The following FAM184B variants were observed in gnomAD, a reference collection of about 807,000 sequenced individuals.
FAM184B encodes the protein protein FAM184B.
A neutral mutation model predicts 135.9 loss-of-function variants in FAM184B; 111 were observed. The ratio of observed to expected loss-of-function variants is 0.82; its 90% CI spans 0.70 to 0.96. The LOEUF (loss-of-function observed/expected upper bound fraction) is 0.96, where lower values mean the gene tolerates loss of function less well. FAM184B is among the 40% of genes least tolerant of loss of function. The probability of loss-of-function intolerance (pLI) is 0.00; values close to 1 mark genes in which losing one functional copy is unlikely to be tolerated. For missense variants in FAM184B, 1,375 were observed against 1,323.9 expected, an observed-to-expected ratio of 1.04 and a Z score of -0.60; for synonymous variants, 552 against 524.8, an observed-to-expected ratio of 1.05 and a Z score of -0.71.
chr4:17,664,099 T>A (rs1284269192), intron 8 of FAM184B, among the ~76,000 whole-genome samples: 5 of 152,166 alleles, frequency 3.3e-5, no homozygotes, highest in Admixed American at 3.3e-4. Context: ...CAGAGCCTGA[T>A]AGAGCCAATC....
rs1436480313 is a variant in FAM184B, at chr4:17,709,536, T to C, written c.250A>G (p.Arg84Gly). Residue 84 changes from arginine to glycine, a missense_variant, in exon 2 of 18, where the codon AGG (arginine) becomes GGG (glycine). By Grantham distance (125) the Arg-to-Gly change is moderately radical. Coordinates refer to ENST00000265018, the MANE Select transcript of FAM184B (RefSeq NM_015688.2). ...LQNAVAETKA[R>G]LLQEQGCAEE... is the part of the protein sequence containing the mutation. ...GCGCAGCCCTGTTCCTGCAGGAGCC[T>C]GGCCTTGGTCTCTGCCACCGCATTC... is the stretch of plus-strand genomic sequence containing the variant. 23 of 1,550,896 alleles carry C rather than the reference T, an allele frequency of 1.5e-5. No individual in the cohort carries two copies. The highest frequency in any genetic ancestry group is 1.9e-5 in the Non-Finnish European group (22 of 1,146,958).
chr4:17,766,715 C>T lies in FAM184B; in HGVS notation c.141+14444G>A, dbSNP rs1156435100. On this transcript the variant is annotated intron_variant, in intron 1 of 17. Transcript: ENST00000265018. ...GCTAGACATAAAGATTCTCCAAGTCCCTACTAGACTCAGGAGCCCAGCTGG... is the reference window on the plus strand; with the variant it reads ...GCTAGACATAAAGATTCTCCAAGTCTCTACTAGACTCAGGAGCCCAGCTGG... 3.3e-5 allele frequency among the ~76,000 whole-genome samples: 5 copies of T among 152,382 alleles called. No homozygotes were observed. The East Asian group carries it at 9.6e-4, about 29-fold the overall frequency.
At chr4:17,765,610 A>C (rs917364172) in intron 1 of FAM184B, among the ~76,000 whole-genome samples, 1 of 152,166 alleles carries the variant, frequency 6.6e-6, no homozygotes, top group Admixed American at 6.5e-5. Context: ...CCTTCAACCA[A>C]CATGTGGATA....
At chr4:17,706,768 A>G (rs769683156) in intron 3 of FAM184B, among the ~76,000 whole-genome samples, 9 of 152,106 alleles carry the variant, frequency 5.9e-5, no homozygotes, top group Middle Eastern at 3.2e-3. Flanking sequence ...CCAAATTTCA[A>G]GACAATACTT....
Position 17,750,805 on chromosome 4 carries a change from A to G in FAM184B, c.141+30354T>C, listed in dbSNP as rs73095700. 4.1e-3 allele frequency among the ~76,000 whole-genome samples: 631 copies of G among 152,230 alleles called. 6 individuals carry two copies. The highest frequency in any genetic ancestry group is 0.014 in the African/African-American group (586 of 41,528). On this transcript the variant is annotated intron_variant, in intron 1 of 17. Transcript: ENST00000265018. ...CCCTTTCCTTCCTTCTTCCTTGCCA[A>G]CAAAGCCCCAGTTTTGTTCAGCTGT...
At chr4:17,707,815 G>A (rs1717152804) in intron 2 of FAM184B, 31 bp from the exon 3 acceptor site, 1 of 1,551,298 alleles carries the variant, frequency 6.4e-7, no homozygotes, top group Non-Finnish European at 8.7e-7. Context: ...CCATTTCTCT[G>A]GTTATAGCTC....
At chr4:17,655,731 C>A (rs1715765502) in intron 10 of FAM184B, among the ~76,000 whole-genome samples, 1 of 152,188 alleles carries the variant, frequency 6.6e-6, no homozygotes. Flanking sequence ...ATCTCTGCAG[C>A]TCTGCGTGAT....
intron 6 of FAM184B, 78 bp from the exon 7 acceptor site, chr4:17,688,609 A>G (rs1376034312): frequency 1.8e-6 from 2 of 1,089,094 alleles, no homozygotes; most frequent in Non-Finnish European, 2.6e-6. Flanking sequence ...CCGGGAATCA[A>G]TTCTCCTGGG....
intron 1 of FAM184B, among the ~76,000 whole-genome samples, chr4:17,765,983 G>C (rs185314657): frequency 7.2e-5 from 11 of 152,222 alleles, no homozygotes; most frequent in South Asian, 2.1e-4. Context: ...CATTCCCCCC[G>C]GCAGGTTCAT....
At position 17,759,934 on chromosome 4, in the gene FAM184B, G is replaced by C. The variant is rs1426817099; in HGVS notation, c.141+21225C>G. On this transcript the variant is annotated intron_variant, in intron 1 of 17. Coordinates refer to ENST00000265018, the MANE Select transcript of FAM184B (RefSeq NM_015688.2). ...ACCGGTTTCAATAGTCATCAGATGA[G>C]GAATCTCTTAGGTAACTTTCAGGGG... 3.9e-5 allele frequency among the ~76,000 whole-genome samples: 6 copies of C among 152,230 alleles called. No individual in the cohort carries two copies. In the East Asian group the frequency reaches 1.2e-3, roughly 29 times the overall value.
rs1714883510 is a variant in FAM184B, at chr4:17,630,227, ATAAAG to A, written c.*2300_*2304del. The A allele has an allele frequency of 6.6e-6, 1 of 152,182 alleles. No individual in the cohort carries two copies. Among genetic ancestry groups the A allele is most frequent in the Admixed American group, 6.5e-5 (1 of 15,276 alleles). 9.4% of individuals were successfully genotyped at this position (152,182 alleles called of 1,614,324 possible). A position where few individuals can be genotyped will look rare whatever the true frequency, so the allele number is the denominator to read the frequency against. Reference sequence around the variant, plus strand: ...TATGTAGTCTTTTTGAAAGCACAAAATAAAGAGCAGTCCTACAGGGTTCACTGCTA... The same window carrying A: ...TATGTAGTCTTTTTGAAAGCACAAAAAGCAGTCCTACAGGGTTCACTGCTA... On this transcript the variant is annotated 3_prime_UTR_variant, in exon 18 of 18. Transcript: ENST00000265018.
intron 7 of FAM184B, among the ~76,000 whole-genome samples, chr4:17,676,559 C>G (rs1197332453): frequency 6.6e-6 from 1 of 152,090 alleles, no homozygotes; most frequent in Non-Finnish European, 1.5e-5. Context: ...GTAAACATAA[C>G]TTTTACATGT....
Position 17,705,126 on chromosome 4 carries a change from T to G in FAM184B, c.1251A>C (p.Thr417=), listed in dbSNP as rs1717077771. 3 of 1,551,822 alleles carry G rather than the reference T, an allele frequency of 1.9e-6. No homozygotes were observed. Among genetic ancestry groups the G allele is most frequent in the Non-Finnish European group, 2.6e-6 (3 of 1,147,006 alleles). ...CTTTGAGATGTTTCTTCTCCTCTTC[T>G]GTCTGATGTTTGATTTTACGAAGGT... ...EEDLRKIKHQ[T]EEEKKHLKDQ... The change falls in exon 5 of 18, where the codon ACA becomes ACC. Residue 417 remains threonine, a synonymous_variant. Transcript: ENST00000265018.
intron 8 of FAM184B, among the ~76,000 whole-genome samples, chr4:17,661,765 CTCGGTCAAGAGTGAGAGG>C (rs1278273329): frequency 6.6e-6 from 1 of 152,178 alleles, no homozygotes; most frequent in Non-Finnish European, 1.5e-5. Context: ...GAGGAGCAGC[CTCGGTCAAGAGTGAGAGG>C]TGGCACCACC....
At chr4:17,756,792 GTGCACA>G (rs951492969) in intron 1 of FAM184B, among the ~76,000 whole-genome samples, 1 of 152,112 alleles carries the variant, frequency 6.6e-6, no homozygotes, top group African/African-American at 2.4e-5. Context: ...AGGCACGGTG[GTGCACA>G]CTTGTAATCT....
At chr4:17,742,548 C>G (rs1718068438) in intron 1 of FAM184B, among the ~76,000 whole-genome samples, 1 of 152,120 alleles carries the variant, frequency 6.6e-6, no homozygotes, top group Admixed American at 6.5e-5. Flanking sequence ...CTCGCCCTGC[C>G]CCTATCCTGT....
chr4:17,681,646 C>A (rs752458013), intron 7 of FAM184B, among the ~76,000 whole-genome samples: 2 of 152,164 alleles, frequency 1.3e-5, no homozygotes, highest in African/African-American at 2.4e-5. Context: ...AAATATGGCA[C>A]GGGGTGACTC....
chr4:17,677,083 T>C (rs976719085), intron 7 of FAM184B, among the ~76,000 whole-genome samples: 1 of 152,224 alleles, frequency 6.6e-6, no homozygotes, highest in Non-Finnish European at 1.5e-5. Flanking sequence ...TCTGTGGCTC[T>C]GTTGCCCAGG....
chr4:17,667,536 C>T (rs972781823), intron 7 of FAM184B, among the ~76,000 whole-genome samples: 1 of 152,224 alleles, frequency 6.6e-6, no homozygotes, highest in Admixed American at 6.5e-5. Context: ...ATCCACTGCC[C>T]ACTGTGCCCA....
Sources: gnomAD v4.1 joint callset for allele counts (sites outside exome capture counted in the v4.1 genomes callset) on GRCh38, gnomAD v4.1.1 for gene constraint, MANE v1.5 for transcripts, NCBI Gene and HGNC (gene_info 2026-07-23, HGNC 2026-07-21) for gene names.